AHCYL2: variants seen among roughly 807,000 people sequenced by gnomAD.
The protein encoded by AHCYL2 is adenosylhomocysteinase like 2, also known as S-adenosylhomocysteine hydrolase-like protein 2.
AHCYL2 carries 28 observed loss-of-function variants against 81.4 expected under a neutral mutation model. The ratio of observed to expected loss-of-function variants is 0.34; its 90% CI spans 0.25 to 0.47. AHCYL2 has a LOEUF of 0.47. AHCYL2 is among the 20% of genes least tolerant of loss of function. AHCYL2 has a pLI of 1.00. For missense variants in AHCYL2, 551 were observed against 785.1 expected (o/e 0.70, Z 3.56); for synonymous variants, 272 against 290.2 (o/e 0.94, Z 0.64).
intron 1 of AHCYL2, among the ~76,000 whole-genome samples, chr7:129,301,362 TTGATG>T (rs966238038): frequency 8.5e-5 from 13 of 152,214 alleles, no homozygotes; most frequent in Non-Finnish European, 1.0e-4. Context: ...GCTTTTTAAC[TTGATG>T]TGATCTGATT....
intron 1 of AHCYL2, chr7:129,377,550 G>A: frequency 2.2e-6 from 1 of 456,670 alleles, no homozygotes; most frequent in South Asian, 1.5e-5. Context: ...AGGAAGTGGA[G>A]CCGTCAGTTC....
chr7:129,393,194 A>G (rs932317598), intron 4 of AHCYL2, among the ~76,000 whole-genome samples: 6 of 152,204 alleles, frequency 3.9e-5, no homozygotes, highest in Non-Finnish European at 7.3e-5. Flanking sequence ...AGGTTGGCAG[A>G]TCACTTGAAC....
At chr7:129,330,103 A>G (rs1195791090) in intron 1 of AHCYL2, among the ~76,000 whole-genome samples, 1 of 152,246 alleles carries the variant, frequency 6.6e-6, no homozygotes, top group East Asian at 1.9e-4. Context: ...TCCTGGGCTC[A>G]AGGAATCCTC....
At chr7:129,352,604 CTTT>C (rs1181098758) in intron 1 of AHCYL2, among the ~76,000 whole-genome samples, 1 of 152,166 alleles carries the variant, frequency 6.6e-6, no homozygotes, top group East Asian at 1.9e-4. Context: ...GTCATTATTT[CTTT>C]TTCCTCACCT....
intron 1 of AHCYL2, among the ~76,000 whole-genome samples, chr7:129,264,630 A>C (rs1030300711): frequency 6.6e-6 from 1 of 152,224 alleles, no homozygotes; most frequent in Non-Finnish European, 1.5e-5. Context: ...TGGAGATGGA[A>C]CAGTTTCTAG....
chr7:129,383,250 C>G (rs1465838201), intron 2 of AHCYL2, among the ~76,000 whole-genome samples: 2 of 151,972 alleles, frequency 1.3e-5, no homozygotes, highest in Admixed American at 6.6e-5. Context: ...ACTGTAGCCT[C>G]GAACTCTTGG....
Position 129,368,210 on chromosome 7 carries a change from C to T in AHCYL2, c.364-11428C>T. On this transcript the variant is annotated intron_variant, in intron 1 of 16. Coordinates refer to ENST00000325006, the MANE Select transcript of AHCYL2 (RefSeq NM_015328.4). The surrounding 1 kb of genome is among the most constrained non-coding windows in gnomAD (Gnocchi z 4.4). ...TGGGTAGCATTAAAACAGTGAGTGC[C>T]CTGTGAGAAGCACAGTGCCTGGGTG... The T allele has an allele frequency of 7.9e-7, 1 of 1,270,340 alleles. No individual in the cohort carries two copies. Among genetic ancestry groups the T allele is most frequent in the Non-Finnish European group, 1.0e-6 (1 of 1,003,736 alleles). 78.7% of individuals were successfully genotyped at this position (1,270,340 alleles called of 1,614,324 possible).
At chr7:129,269,249 A>G (rs1464001330) in intron 1 of AHCYL2, among the ~76,000 whole-genome samples, 1 of 150,446 alleles carries the variant, frequency 6.6e-6, no homozygotes, top group Non-Finnish European at 1.5e-5. Context: ...CAGCCTACTG[A>G]GTCCTACTGG....
chr7:129,396,788 T>C (rs963438732), intron 4 of AHCYL2, among the ~76,000 whole-genome samples: 1 of 152,140 alleles, frequency 6.6e-6, no homozygotes, highest in African/African-American at 2.4e-5. Flanking sequence ...GGCACAGTCA[T>C]GACTCACTAC....
intron 1 of AHCYL2, among the ~76,000 whole-genome samples, chr7:129,369,854 G>A (rs1794297242): frequency 6.6e-6 from 1 of 151,976 alleles, no homozygotes. Flanking sequence ...GCTCAGTCTT[G>A]TGTTCAATTT....
chr7:129,347,832 T>C (rs959491109), intron 1 of AHCYL2, among the ~76,000 whole-genome samples: 2 of 152,192 alleles, frequency 1.3e-5, no homozygotes, highest in Non-Finnish European at 2.9e-5. Flanking sequence ...TTGAATCTCC[T>C]TTCAGTTGTA....
intron 1 of AHCYL2, among the ~76,000 whole-genome samples, chr7:129,231,312 T>TTAC (rs961258745): frequency 1.2e-4 from 18 of 151,822 alleles, no homozygotes; most frequent in African/African-American, 2.9e-4. Context: ...AGGAAGACAA[T>TTAC]TACTACTACT....
chr7:129,356,674 A>G (rs1793744260), intron 1 of AHCYL2, among the ~76,000 whole-genome samples: 1 of 152,224 alleles, frequency 6.6e-6, no homozygotes, highest in Admixed American at 6.5e-5. Context: ...AAAATTAGAA[A>G]ACAGACCAGC....
rs189437185 is a variant in AHCYL2 at position 129,281,379 on chromosome 7, G to A, written c.363+55940G>A. Reference sequence around the variant, plus strand: ...AATGCTGACATCATAAAATGGGGTAGGAAATGTTTCTTCTTTTCAGTGTTC... The same window carrying A: ...AATGCTGACATCATAAAATGGGGTAAGAAATGTTTCTTCTTTTCAGTGTTC... On this transcript the variant is annotated intron_variant, in intron 1 of 16. Coordinates refer to ENST00000325006, the MANE Select transcript of AHCYL2 (RefSeq NM_015328.4). Among the ~76,000 whole-genome samples, 28 of 151,928 alleles carry A rather than the reference G, an allele frequency of 1.8e-4. No homozygotes were observed. The East Asian group carries it at 5.2e-3, about 28-fold the overall frequency.
intron 2 of AHCYL2, among the ~76,000 whole-genome samples, 186 bp downstream of exon 2, chr7:129,379,935 G>T (rs1248350293): frequency 6.6e-6 from 1 of 152,198 alleles, no homozygotes; most frequent in Non-Finnish European, 1.5e-5. Flanking sequence ...TCAGAGTGGA[G>T]CTTAATAGAG....
intron 1 of AHCYL2, among the ~76,000 whole-genome samples, chr7:129,321,766 G>GTTTTTGTTTTTGTTTTTT (rs1315391980): frequency 9.3e-6 from 1 of 107,486 alleles, no homozygotes; most frequent in Non-Finnish European, 1.8e-5. Context: ...TTTTTTTTTG[G>GTTTTTGTTTTTGTTTTTT]TCTTGGTTTT....
Position 129,389,737 on chromosome 7 carries a change from G to A in AHCYL2, c.720+3G>A, listed in dbSNP as rs376055240. On this transcript the variant is annotated splice_donor_region_variant and intron_variant, in intron 4 of 16. Coordinates refer to ENST00000325006, the MANE Select transcript of AHCYL2 (RefSeq NM_015328.4). ...CACACATCACTGCTCAGACTGCTGT[G>A]AGTTCTTTTCTTTTCTCCTTTTAAT... The A allele has an allele frequency of 6.2e-7, 1 of 1,601,616 alleles. No individual in the cohort carries two copies. Among genetic ancestry groups the A allele is most frequent in the Non-Finnish European group, 8.5e-7 (1 of 1,176,392 alleles).
chr7:129,271,932 C>G (rs1314915043), intron 1 of AHCYL2, among the ~76,000 whole-genome samples: 1 of 152,158 alleles, frequency 6.6e-6, no homozygotes, highest in South Asian at 2.1e-4. Context: ...TGCACCACCC[C>G]CATCTAGTGG....
intron 1 of AHCYL2, among the ~76,000 whole-genome samples, chr7:129,259,785 A>G (rs2150714063): frequency 6.6e-6 from 1 of 152,344 alleles, no homozygotes; most frequent in East Asian, 1.9e-4. Context: ...CAAGAATGTC[A>G]GCTGAGGTTG....
Sources: allele counts gnomAD v4.1 joint callset (sites outside exome capture counted in the v4.1 genomes callset), GRCh38; gene constraint gnomAD v4.1.1; non-coding constraint Gnocchi (gnomAD v3.1); transcripts MANE v1.5; gene names NCBI Gene and HGNC (gene_info 2026-07-23, HGNC 2026-07-21).